CADM1: variants seen among roughly 807,000 people sequenced by gnomAD.
CADM1 encodes cell adhesion molecule 1, also known as TSLC-1.
Under a neutral mutation model 53.1 loss-of-function variants are expected in CADM1, and 15 were observed. The ratio of observed to expected loss-of-function variants is 0.28; its 90% CI spans 0.19 to 0.44. The LOEUF (loss-of-function observed/expected upper bound fraction) is 0.44. Ranked by LOEUF, CADM1 falls within the 20% of genes least tolerant of loss-of-function variation. The pLI, the probability that CADM1 is intolerant of heterozygous loss-of-function variation, is 1.00. For synonymous variants in CADM1, 281 were observed against 243.0 expected (o/e 1.16, Z -1.45); for missense variants, 434 against 611.3 (o/e 0.71, Z 3.06).
At chr11:115,257,149 T>G (rs1018801542) in intron 1 of CADM1, among the ~76,000 whole-genome samples, 5 of 152,168 alleles carry the variant, frequency 3.3e-5, no homozygotes, top group Admixed American at 2.0e-4. Context: ...ACGGTAGTTT[T>G]TCTTTTTAAA....
intron 1 of CADM1, among the ~76,000 whole-genome samples, chr11:115,451,024 G>T (rs571559799): frequency 2.6e-5 from 4 of 152,220 alleles, no homozygotes; most frequent in African/African-American, 9.6e-5. Context: ...CCATTACATT[G>T]CTTCTGTAAA....
chr11:115,430,287 A>C (rs1435584539), intron 1 of CADM1, among the ~76,000 whole-genome samples: 1 of 152,194 alleles, frequency 6.6e-6, no homozygotes, highest in Non-Finnish European at 1.5e-5. Context: ...ACTATCCTAT[A>C]GAGATAGCTA....
At chr11:115,234,012 C>A (rs1232879301) in intron 3 of CADM1, among the ~76,000 whole-genome samples, 1 of 152,188 alleles carries the variant, frequency 6.6e-6, no homozygotes, top group Non-Finnish European at 1.5e-5. Context: ...CTTCTTGATG[C>A]GACAGTCCAG....
In CADM1 at chr11:115,308,139, CTCTGTG is replaced by C. The variant is rs1307157288; in HGVS notation, c.125-67725_125-67720del. On this transcript the variant is annotated intron_variant, in intron 1 of 11. Transcript: ENST00000331581. ...TTCCTGTAAAAGACACAAACTCTCT[CTCTGTG>C]TGTGTGTGTGTGTGTGTGTGTGTGT... Among the ~76,000 whole-genome samples the C allele has an allele frequency of 2.8e-3, 334 of 120,778 alleles. 3 individuals are homozygous for C. The highest frequency in any genetic ancestry group is 0.011 in the Admixed American group (135 of 12,592). The allele number at this position is 120,778 out of a possible 152,430, so 79.2% of individuals were successfully genotyped here. A position where few individuals can be genotyped will look rare whatever the true frequency, so the allele number is the denominator to read the frequency against.
intron 5 of CADM1, among the ~76,000 whole-genome samples, chr11:115,223,122 C>A (rs1367711774): frequency 6.6e-6 from 1 of 152,126 alleles, no homozygotes; most frequent in Admixed American, 6.6e-5. Context: ...CTTCTCCTTC[C>A]ACCTTTACTA....
intron 1 of CADM1, among the ~76,000 whole-genome samples, chr11:115,501,196 A>C (rs1378597818): frequency 6.6e-6 from 1 of 152,210 alleles, no homozygotes; most frequent in East Asian, 1.9e-4. Flanking sequence ...CTCCAGTGAC[A>C]CACTGTAAAT....
At chr11:115,202,557 T>C (rs566444146) in intron 8 of CADM1, among the ~76,000 whole-genome samples, 1 of 152,300 alleles carries the variant, frequency 6.6e-6, no homozygotes, top group South Asian at 2.1e-4. Flanking sequence ...TAACCCACAA[T>C]CTACTCAAAA....
intron 5 of CADM1, among the ~76,000 whole-genome samples, chr11:115,219,530 G>A (rs2134786272): frequency 6.6e-6 from 1 of 152,308 alleles, no homozygotes; most frequent in African/African-American, 2.4e-5. Flanking sequence ...AGCTCCAGCT[G>A]ACCCTTGCAA....
chr11:115,347,517 T>C (rs997219561), intron 1 of CADM1, among the ~76,000 whole-genome samples: 2 of 152,208 alleles, frequency 1.3e-5, no homozygotes, highest in African/African-American at 4.8e-5. Context: ...ATAGAACATT[T>C]ATTTTATGTC....
At chr11:115,289,248 C>T (rs1221896540) in intron 1 of CADM1, among the ~76,000 whole-genome samples, 2 of 151,806 alleles carry the variant, frequency 1.3e-5, no homozygotes, top group Non-Finnish European at 2.9e-5. Flanking sequence ...GCCTGTAATC[C>T]CAGCTACTAG....
At chr11:115,491,609 G>A (rs1190548727) in intron 1 of CADM1, among the ~76,000 whole-genome samples, 1 of 151,884 alleles carries the variant, frequency 6.6e-6, no homozygotes, top group Non-Finnish European at 1.5e-5. Context: ...CACTATCCAA[G>A]TAAAACTATG....
intron 1 of CADM1, among the ~76,000 whole-genome samples, chr11:115,455,789 C>T (rs961776156): frequency 7.2e-5 from 11 of 152,158 alleles, no homozygotes; most frequent in Non-Finnish European, 1.3e-4. Context: ...CTTCACAAAT[C>T]GCTGGTTCAT....
At chr11:115,178,554 T>A in intron 11 of CADM1, 90 bp downstream of exon 11, 8 of 1,095,136 alleles carry the variant, frequency 7.3e-6, no homozygotes, top group South Asian at 1.2e-5. Context: ...GCCACATACA[T>A]CAAATTGCCT....
intron 1 of CADM1, among the ~76,000 whole-genome samples, chr11:115,479,513 T>C (rs868361877): frequency 6.6e-6 from 1 of 152,234 alleles, no homozygotes; most frequent in African/African-American, 2.4e-5. Context: ...AATGAGTACA[T>C]AAGAAATTCA....
rs1948611391 is a variant in CADM1, at chr11:115,453,194, T to G, written c.124+51077A>C. The stretch of plus-strand genomic sequence containing the variant: ...GGGTATGAGACCAACCTAGGCAACA[T>G]GATAAAACTCCATCTCTACAAAATT... On this transcript the variant is annotated intron_variant, in intron 1 of 11. Coordinates refer to ENST00000331581, the MANE Select transcript of CADM1 (RefSeq NM_001301043.2). Among the ~76,000 whole-genome samples, 4 of 151,906 alleles carry G rather than the reference T, an allele frequency of 2.6e-5. No individual in the cohort carries two copies. In the South Asian group the frequency reaches 8.3e-4, roughly 32 times the overall value.
intron 1 of CADM1, among the ~76,000 whole-genome samples, chr11:115,286,098 TAA>T (rs1023018298): frequency 1.3e-5 from 2 of 152,202 alleles, no homozygotes; most frequent in African/African-American, 4.8e-5. Context: ...TCAGTTCTTC[TAA>T]AAGAGGTGGT....
intron 1 of CADM1, among the ~76,000 whole-genome samples, chr11:115,478,324 TAAAGTA>T (rs1197354526): frequency 6.6e-6 from 1 of 151,862 alleles, no homozygotes; most frequent in Non-Finnish European, 1.5e-5. Context: ...AGTGATAATC[TAAAGTA>T]AAGGATATAT....
At position 115,400,687 on chromosome 11, in the gene CADM1, A is replaced by G. The variant is rs1386554043; in HGVS notation, c.124+103584T>C. 1.5e-3 allele frequency among the ~76,000 whole-genome samples: 81 copies of G among 55,286 alleles called. 6 individuals are homozygous for G. The highest frequency in any genetic ancestry group is 3.3e-3 in the African/African-American group (67 of 20,224). The allele number at this position is 55,286 out of a possible 152,430, so 36.3% of individuals were successfully genotyped here. A position where few individuals can be genotyped will look rare whatever the true frequency, so the allele number is the denominator to read the frequency against. On this transcript the variant is annotated intron_variant, in intron 1 of 11. Coordinates refer to ENST00000331581, the MANE Select transcript of CADM1 (RefSeq NM_001301043.2). ...TATATATATATATATATATATATATATATATATATATATATATATGCTTAT... is the reference window on the plus strand; with the variant it reads ...TATATATATATATATATATATATATGTATATATATATATATATATGCTTAT...
At chr11:115,366,423 T>C (rs1946158785) in intron 1 of CADM1, among the ~76,000 whole-genome samples, 1 of 152,204 alleles carries the variant, frequency 6.6e-6, no homozygotes, top group African/African-American at 2.4e-5. Flanking sequence ...ACACAGGTCA[T>C]CTGTACAGGA....
Sources: gnomAD v4.1 joint callset for allele counts (sites outside exome capture counted in the v4.1 genomes callset) on GRCh38, gnomAD v4.1.1 for gene constraint, MANE v1.5 for transcripts, NCBI Gene and HGNC (gene_info 2026-07-23, HGNC 2026-07-21) for gene names.